OSBP2: variants seen among roughly 807,000 people sequenced by gnomAD.
The protein encoded by OSBP2 is oxysterol binding protein 2.
Under a neutral mutation model 96.0 loss-of-function variants are expected in OSBP2, and 66 were observed. The observed-to-expected ratio is 0.69, with a 90% CI of 0.56 to 0.84. OSBP2 has a LOEUF of 0.84. Among genes scored for constraint, OSBP2 ranks in the 40% least tolerant of loss-of-function variants. The pLI, the probability that OSBP2 is intolerant of heterozygous loss-of-function variation, is 0.00. For synonymous variants in OSBP2, 525 were observed against 520.9 expected (o/e 1.01, Z -0.11); for missense variants, 1,038 against 1,222.7 (o/e 0.85, Z 2.25).
At chr22:30,860,315 C>T (rs1430249160) in intron 2 of OSBP2, among the ~76,000 whole-genome samples, 1 of 152,026 alleles carries the variant, frequency 6.6e-6, no homozygotes, top group African/African-American at 2.4e-5. Flanking sequence ...GAGCCCTAGA[C>T]AAGAGGAGGC....
chr22:30,796,925 G>A (rs2090773002), intron 2 of OSBP2, among the ~76,000 whole-genome samples: 2 of 152,296 alleles, frequency 1.3e-5, no homozygotes, highest in Admixed American at 1.3e-4. Flanking sequence ...TCCATGACCA[G>A]CAATAATCCA....
rs1412466287 is a variant in OSBP2, at chr22:30,871,667, C to T, written c.1107+985C>T. On this transcript the variant is annotated intron_variant, in intron 3 of 13. Transcript: ENST00000332585. This position sits in a 1 kb window ranked among gnomAD's most constrained non-coding sequence, Gnocchi z 4.7. ...GCCTGGGTGACCTCCAGCTGGGGGA[C>T]CCAGCCCCCAAACTAGGAGGTTAGA... 2.0e-5 allele frequency among the ~76,000 whole-genome samples: 3 copies of T among 146,426 alleles called. No homozygotes were observed. The East Asian group carries it at 6.9e-4, about 34-fold the overall frequency.
chr22:30,778,166 TG>T, intron 2 of OSBP2, among the ~76,000 whole-genome samples: 1 of 114,742 alleles, frequency 8.7e-6, no homozygotes, highest in African/African-American at 4.2e-5. Flanking sequence ...GGCTAATTTT[TG>T]CCCTTTTTTT....
At chr22:30,730,369 G>A (rs1233829956) in intron 1 of OSBP2, among the ~76,000 whole-genome samples, 1 of 152,126 alleles carries the variant, frequency 6.6e-6, no homozygotes, top group Non-Finnish European at 1.5e-5. Context: ...CATGGAGTGA[G>A]CACCTCCCTT....
At chr22:30,802,563 A>G (rs1249720507) in intron 2 of OSBP2, among the ~76,000 whole-genome samples, 7 of 152,224 alleles carry the variant, frequency 4.6e-5, no homozygotes, top group Admixed American at 6.5e-5. Context: ...GTCGGGTTCC[A>G]GGCCACGCTC....
chr22:30,861,716 A>G (rs1029158380), intron 2 of OSBP2, among the ~76,000 whole-genome samples: 6 of 152,048 alleles, frequency 3.9e-5, no homozygotes, highest in African/African-American at 1.4e-4. Context: ...TTTGTGGCAG[A>G]ACCCCCACAG....
intron 2 of OSBP2, among the ~76,000 whole-genome samples, chr22:30,829,531 G>GT (rs2038479574): frequency 6.6e-6 from 1 of 152,152 alleles, no homozygotes; most frequent in Admixed American, 6.5e-5. Flanking sequence ...GAACTCAAAT[G>GT]GTCTGCCTGC....
At chr22:30,698,684 C>T (rs940987758) in intron 1 of OSBP2, among the ~76,000 whole-genome samples, 6 of 151,980 alleles carry the variant, frequency 3.9e-5, no homozygotes, top group South Asian at 2.1e-4. Flanking sequence ...GTGATCTGCC[C>T]GCCTTGGCCT....
At chr22:30,878,724 G>C (rs1399352533) in intron 3 of OSBP2, among the ~76,000 whole-genome samples, 3 of 152,218 alleles carry the variant, frequency 2.0e-5, no homozygotes. Context: ...AAGGAAGGTA[G>C]CATCCCTCAG....
rs144316963 is a variant in OSBP2 at position 30,743,710 on chromosome 22, C to T, written c.853+2341C>T. 5.5e-3 allele frequency among the ~76,000 whole-genome samples: 840 copies of T among 152,262 alleles called. 11 individuals carry two copies. Among genetic ancestry groups the T allele is most frequent in the African/African-American group, 0.02 (814 of 41,540 alleles). ...AAATAAATAAATAAATGATAAATTGCCTTATTTTTTAGGAACTTCTTGAAA... is the reference window on the plus strand; with the variant it reads ...AAATAAATAAATAAATGATAAATTGTCTTATTTTTTAGGAACTTCTTGAAA... On this transcript the variant is annotated intron_variant, in intron 2 of 13. Transcript: ENST00000332585.
chr22:30,790,154 G>A (rs2090651989), intron 2 of OSBP2, among the ~76,000 whole-genome samples: 1 of 152,090 alleles, frequency 6.6e-6, no homozygotes, highest in Non-Finnish European at 1.5e-5. Context: ...TGGGCTGGAG[G>A]TGATGTGGAT....
At chr22:30,830,047 G>T (rs2038489502) in intron 2 of OSBP2, among the ~76,000 whole-genome samples, 1 of 152,182 alleles carries the variant, frequency 6.6e-6, no homozygotes, top group African/African-American at 2.4e-5. Flanking sequence ...TGAGGGGTTT[G>T]CTGGATGTAC....
At chr22:30,840,495 G>C (rs1470972732) in intron 2 of OSBP2, among the ~76,000 whole-genome samples, 2 of 152,076 alleles carry the variant, frequency 1.3e-5, no homozygotes, top group Non-Finnish European at 2.9e-5. Context: ...TAAAGAGATG[G>C]GAGGGAGATG....
At position 30,764,167 on chromosome 22, in the gene OSBP2, G is replaced by A. The variant is rs1413219931; in HGVS notation, c.853+22798G>A. 5.5e-6 allele frequency: 5 copies of A among 913,206 alleles called. No homozygotes were observed. The East Asian group carries it at 5.9e-4, about 107-fold the overall frequency. The allele number at this position is 913,206 out of a possible 1,614,324, so 56.6% of individuals were successfully genotyped here. A position where few individuals can be genotyped will look rare whatever the true frequency, so the allele number is the denominator to read the frequency against. On this transcript the variant is annotated intron_variant, in intron 2 of 13. Coordinates refer to ENST00000332585, the MANE Select transcript of OSBP2 (RefSeq NM_030758.4). The stretch of plus-strand genomic sequence containing the variant: ...CCCGGTTCTCGCCTCCCCTAGGCTC[G>A]CCTACCCTCCATTGATGTCATAACT...
chr22:30,767,397 C>A (rs774832057), intron 2 of OSBP2, among the ~76,000 whole-genome samples: 45 of 152,124 alleles, frequency 3.0e-4, no homozygotes, highest in Non-Finnish European at 5.4e-4. Flanking sequence ...CACCCAGATG[C>A]CACAGTTACC....
At chr22:30,744,965 A>G (rs2089980240) in intron 2 of OSBP2, among the ~76,000 whole-genome samples, 1 of 152,228 alleles carries the variant, frequency 6.6e-6, no homozygotes, top group African/African-American at 2.4e-5. Flanking sequence ...TTGAGACTAT[A>G]TGAAGTATCT....
intron 2 of OSBP2, among the ~76,000 whole-genome samples, chr22:30,857,402 A>G (rs2039101217): frequency 6.6e-6 from 1 of 152,158 alleles, no homozygotes; most frequent in African/African-American, 2.4e-5. Context: ...GGACAGATGG[A>G]CGCTTTAAGC....
At chr22:30,715,983 G>A (rs942891137) in intron 1 of OSBP2, among the ~76,000 whole-genome samples, 1 of 151,246 alleles carries the variant, frequency 6.6e-6, no homozygotes, top group African/African-American at 2.4e-5. Context: ...CCGAAGTATC[G>A]GGATTACAGG....
chr22:30,696,422 C>T (rs1476615652), intron 1 of OSBP2, among the ~76,000 whole-genome samples: 3 of 152,154 alleles, frequency 2.0e-5, no homozygotes, highest in Admixed American at 6.5e-5. Flanking sequence ...TGCTGGGCCT[C>T]CCCAATGAAT....
Sources: allele counts gnomAD v4.1 joint callset (sites outside exome capture counted in the v4.1 genomes callset), GRCh38; gene constraint gnomAD v4.1.1; non-coding constraint Gnocchi (gnomAD v3.1); transcripts MANE v1.5; gene names NCBI Gene and HGNC (gene_info 2026-07-23, HGNC 2026-07-21).